Variants in CADM1 observed in about 807,000 individuals in gnomAD.
CADM1 encodes cell adhesion molecule 1, also known as TSLC-1.
In CADM1, 15 loss-of-function variants were observed where a neutral mutation model predicts 53.1. The ratio of observed to expected loss-of-function variants is 0.28; its 90% confidence interval spans 0.19 to 0.44. The LOEUF (loss-of-function observed/expected upper bound fraction) is 0.44. Ranked by LOEUF, CADM1 falls within the 20% of genes least tolerant of loss-of-function variation. The pLI, the probability that CADM1 is intolerant of heterozygous loss-of-function variation, is 1.00. For synonymous variants in CADM1, 281 were observed against 243.0 expected, an observed-to-expected ratio of 1.16 and a Z score of -1.45; for missense variants, 434 against 611.3, an observed-to-expected ratio of 0.71 and a Z score of 3.06.
At chr11:115,405,668 C>T (rs957438122) in intron 1 of CADM1, among the ~76,000 whole-genome samples, 1 of 152,162 alleles carries the variant, frequency 6.6e-6, no homozygotes, top group African/African-American at 2.4e-5. Flanking sequence ...GAGCCACAGG[C>T]ATCAAGATGA....
intron 1 of CADM1, among the ~76,000 whole-genome samples, chr11:115,417,999 A>T (rs1947650883): frequency 6.6e-6 from 1 of 152,220 alleles, no homozygotes; most frequent in Admixed American, 6.5e-5. Flanking sequence ...ACTATATAAC[A>T]TCTAATTCAG....
At chr11:115,258,756 G>A (rs940757086) in intron 1 of CADM1, among the ~76,000 whole-genome samples, 8 of 152,202 alleles carry the variant, frequency 5.3e-5, no homozygotes, top group Middle Eastern at 3.4e-3. Context: ...TTCTCCCTCC[G>A]TCTCTCAAAT....
At chr11:115,309,674 T>C (rs931287457) in intron 1 of CADM1, among the ~76,000 whole-genome samples, 3 of 152,104 alleles carry the variant, frequency 2.0e-5, no homozygotes, top group Admixed American at 2.0e-4. Flanking sequence ...GTCAGACACA[T>C]GGACTAAAGG....
chr11:115,491,167 C>A (rs537445589), intron 1 of CADM1, among the ~76,000 whole-genome samples: 2 of 152,082 alleles, frequency 1.3e-5, no homozygotes, highest in East Asian at 1.9e-4. Flanking sequence ...TAAAAAAAGA[C>A]AGCCGATCAG....
At chr11:115,279,761 A>C (rs1943538825) in intron 1 of CADM1, among the ~76,000 whole-genome samples, 1 of 152,164 alleles carries the variant, frequency 6.6e-6, no homozygotes, top group Admixed American at 6.5e-5. Flanking sequence ...AAATATATGT[A>C]ATTTTTCACA....
intron 1 of CADM1, among the ~76,000 whole-genome samples, chr11:115,453,256 A>AG (rs1389644681): frequency 1.3e-5 from 2 of 151,964 alleles, no homozygotes; most frequent in African/African-American, 4.8e-5. Flanking sequence ...GCATGCCTGT[A>AG]GTCTTAGCTA....
chr11:115,443,452 C>T lies in CADM1; in HGVS notation c.124+60819G>A, dbSNP rs188483510. ...CTTGGAACCCAGAAGTCAATGGTTCCAATCACAGCATTGCCTCTCTCTGGA... is the reference window on the plus strand; with the variant it reads ...CTTGGAACCCAGAAGTCAATGGTTCTAATCACAGCATTGCCTCTCTCTGGA... On this transcript the variant is annotated intron_variant, in intron 1 of 11. Transcript: ENST00000331581. 5.6e-4 allele frequency among the ~76,000 whole-genome samples: 86 copies of T among 152,272 alleles called. 1 individual carries two copies. Among genetic ancestry groups the T allele is most frequent in the African/African-American group, 2.0e-3 (82 of 41,556 alleles).
At chr11:115,213,234 C>G (rs964294132) in intron 7 of CADM1, among the ~76,000 whole-genome samples, 9 of 152,144 alleles carry the variant, frequency 5.9e-5, no homozygotes, top group African/African-American at 2.2e-4. Context: ...TCACCCCCGC[C>G]GAGCAGTCTG....
intron 1 of CADM1, among the ~76,000 whole-genome samples, chr11:115,374,915 T>C (rs1310593916): frequency 6.6e-6 from 1 of 152,110 alleles, no homozygotes; most frequent in East Asian, 1.9e-4. Flanking sequence ...ACTCAACAAA[T>C]AAAAAGGTTT....
intron 9 of CADM1, among the ~76,000 whole-genome samples, chr11:115,196,378 C>T (rs7122594): frequency 1 from 151,673 of 152,180 alleles, 75,585 homozygotes; most frequent in Non-Finnish European, 1. Flanking sequence ...TAGAGTCACA[C>T]TAAGAACATG....
chr11:115,488,334 C>A (rs1949421841), intron 1 of CADM1, among the ~76,000 whole-genome samples: 1 of 152,158 alleles, frequency 6.6e-6, no homozygotes, highest in Non-Finnish European at 1.5e-5. Flanking sequence ...GAAGGGAACA[C>A]TTTAGAACTA....
chr11:115,243,772 C>G (rs1362650827), intron 1 of CADM1, among the ~76,000 whole-genome samples: 1 of 152,128 alleles, frequency 6.6e-6, no homozygotes, highest in East Asian at 1.9e-4. Context: ...TACAAACAGG[C>G]AACTTTGGTG....
chr11:115,233,198 C>T (rs1179230616), intron 3 of CADM1, among the ~76,000 whole-genome samples: 1 of 152,072 alleles, frequency 6.6e-6, no homozygotes, highest in African/African-American at 2.4e-5. Context: ...CTTTGTTTCC[C>T]GTGTACAAGG....
At chr11:115,476,142 T>C (rs314503) in intron 1 of CADM1, among the ~76,000 whole-genome samples, 7,337 of 152,258 alleles carry the variant, frequency 0.048, 213 homozygotes, top group Middle Eastern at 0.095. Flanking sequence ...TAAATCAATA[T>C]ATTTATCAAG....
intron 1 of CADM1, among the ~76,000 whole-genome samples, chr11:115,293,349 C>T (rs961175946): frequency 2.0e-5 from 3 of 152,232 alleles, no homozygotes; most frequent in East Asian, 3.9e-4. Context: ...AGGAGAATGG[C>T]GTGAACCCGG....
chr11:115,323,974 A>G (rs543255819), intron 1 of CADM1, among the ~76,000 whole-genome samples: 3 of 152,226 alleles, frequency 2.0e-5, no homozygotes, highest in African/African-American at 7.2e-5. Flanking sequence ...CAGGAGAAGC[A>G]GATAGCCATA....
At chr11:115,503,797 T>G (rs1949788720) in intron 1 of CADM1, among the ~76,000 whole-genome samples, 1 of 147,898 alleles carries the variant, frequency 6.8e-6, no homozygotes, top group Non-Finnish European at 1.5e-5. Context: ...CGGCTGGGAG[T>G]CAGCCACCAG....
At chr11:115,487,568 GCTA>G (rs1278540677) in intron 1 of CADM1, among the ~76,000 whole-genome samples, 1 of 152,098 alleles carries the variant, frequency 6.6e-6, no homozygotes, top group Non-Finnish European at 1.5e-5. Flanking sequence ...AAAAAAATCT[GCTA>G]CTATCTTAGT....
chr11:115,179,746 C>T lies in CADM1; in HGVS notation c.1166-971G>A, dbSNP rs113786948. Among the ~76,000 whole-genome samples the T allele has an allele frequency of 3.2e-3, 480 of 151,952 alleles. 6 individuals carry two copies. The highest frequency in any genetic ancestry group is 0.011 in the African/African-American group (438 of 41,438). ...TCTTTTTTTTTTATTGAGTCAAGTA[C>T]GACACCTCCATTAAAATGATTTACT... On this transcript the variant is annotated intron_variant, in intron 10 of 11. Transcript: ENST00000331581.
Sources: gnomAD v4.1 joint callset for allele counts (sites outside exome capture counted in the v4.1 genomes callset) on GRCh38, gnomAD v4.1.1 for gene constraint, MANE v1.5 for transcripts, NCBI Gene and HGNC (gene_info 2026-07-23, HGNC 2026-07-21) for gene names.